The following ANKFY1 variants were observed in gnomAD, a reference collection of about 807,000 sequenced individuals.
The protein encoded by ANKFY1 is ankyrin repeat and FYVE domain-containing protein 1.
In ANKFY1, 47 loss-of-function variants were observed where a neutral mutation model predicts 128.3. The observed-to-expected ratio is 0.37, with a 90% CI of 0.29 to 0.47. The LOEUF (loss-of-function observed/expected upper bound fraction) is 0.47, where lower values mean the gene tolerates loss of function less well. Among genes scored for constraint, ANKFY1 ranks in the 20% least tolerant of loss-of-function variants. ANKFY1 has a pLI of 1.00. For missense variants in ANKFY1, 1,222 were observed against 1,510.6 expected, an observed-to-expected ratio of 0.81 and a Z score of 3.17; for synonymous variants, 553 against 601.6, an observed-to-expected ratio of 0.92 and a Z score of 1.18.
chr17:4,228,957 T>A (rs919376360), intron 3 of ANKFY1, among the ~76,000 whole-genome samples: 3 of 152,170 alleles, frequency 2.0e-5, no homozygotes, highest in African/African-American at 7.2e-5. Flanking sequence ...TGTGTGGAGT[T>A]AATACATAAT....
chr17:4,212,770 CTTT>C (rs35264086), intron 4 of ANKFY1, among the ~76,000 whole-genome samples: 6 of 130,864 alleles, frequency 4.6e-5, no homozygotes, highest in African/African-American at 5.6e-5. Flanking sequence ...GCAGAACACA[CTTT>C]TTTTTTTTTT....
At chr17:4,197,992 G>A (rs2059857770) in intron 7 of ANKFY1, among the ~76,000 whole-genome samples, 1 of 152,108 alleles carries the variant, frequency 6.6e-6, no homozygotes. Context: ...AGCCGGGCGT[G>A]GTGGTGCACG....
chr17:4,215,277 GGCTGTCTTCT>G, intron 4 of ANKFY1, among the ~76,000 whole-genome samples: 1 of 132,258 alleles, frequency 7.6e-6, no homozygotes. Context: ...GACACAGTGA[GGCTGTCTTCT>G]AAAAAAAAAA....
At chr17:4,179,435 TA>T (rs1315794812) in intron 17 of ANKFY1, 3 of 530,532 alleles carry the variant, frequency 5.7e-6, no homozygotes, top group Admixed American at 3.3e-5. Flanking sequence ...GACATTTTCC[TA>T]AATACAGTAT....
intron 1 of ANKFY1, chr17:4,249,159 G>A: frequency 1.0e-6 from 1 of 983,888 alleles, no homozygotes; most frequent in Non-Finnish European, 1.2e-6. Context: ...CTTCCTTCTA[G>A]GTCAGGAGTT....
intron 1 of ANKFY1, among the ~76,000 whole-genome samples, chr17:4,253,199 C>T (rs935409835): frequency 3.3e-5 from 5 of 152,074 alleles, no homozygotes; most frequent in South Asian, 2.1e-4. Context: ...CCAGCCTGGG[C>T]GACAGAGCCA....
intron 7 of ANKFY1, among the ~76,000 whole-genome samples, chr17:4,199,653 G>T (rs1431764835): frequency 6.6e-6 from 1 of 152,202 alleles, no homozygotes; most frequent in Non-Finnish European, 1.5e-5. Flanking sequence ...CTAGTAAAGA[G>T]AAATTGACTC....
At position 4,166,697 on chromosome 17, in the gene ANKFY1, C is replaced by G. The variant is rs1017360564; in HGVS notation, c.*1082G>C. 6.6e-6 allele frequency: 1 copy of G among 152,250 alleles called. No individual in the cohort carries two copies. Among genetic ancestry groups the G allele is most frequent in the Non-Finnish European group, 1.5e-5 (1 of 68,052 alleles). 9.4% of individuals were successfully genotyped at this position (152,250 alleles called of 1,614,324 possible). ...GGGACCAACAGCACTCGCAGCATCA[C>G]TAGGGAGGATTTCAGCAAGAAGCAT... is the stretch of plus-strand genomic sequence containing the variant. On this transcript the variant is annotated 3_prime_UTR_variant, in exon 25 of 25. Transcript: ENST00000341657.
intron 7 of ANKFY1, 127 bp from the exon 8 acceptor site, chr17:4,197,704 T>G: frequency 2.4e-6 from 2 of 816,716 alleles, no homozygotes; most frequent in East Asian, 5.3e-5. Flanking sequence ...AAGGAACCTC[T>G]TGGGGCATCT....
At chr17:4,249,674 A>G (rs1205985339) in intron 1 of ANKFY1, among the ~76,000 whole-genome samples, 1 of 152,198 alleles carries the variant, frequency 6.6e-6, no homozygotes, top group Non-Finnish European at 1.5e-5. Context: ...AATCCACAAC[A>G]GCAGCCACTG....
At chr17:4,250,742 A>T (rs1967782008) in intron 1 of ANKFY1, among the ~76,000 whole-genome samples, 1 of 152,018 alleles carries the variant, frequency 6.6e-6, no homozygotes. Context: ...ATCATAACTC[A>T]CTGCAGCCTC....
At chr17:4,206,884 A>G (rs563907451) in intron 6 of ANKFY1, among the ~76,000 whole-genome samples, 1 of 152,240 alleles carries the variant, frequency 6.6e-6, no homozygotes, top group South Asian at 2.1e-4. Flanking sequence ...CTCCCCATAC[A>G]CTGGACACCC....
chr17:4,169,327 G>A lies in ANKFY1; in HGVS notation c.3287-39C>T, dbSNP rs144903410. On this transcript the variant is annotated intron_variant, in intron 23 of 24. Transcript: ENST00000341657. The surrounding 1 kb of genome is among the most constrained non-coding windows in gnomAD (Gnocchi z 5.0). Reference sequence around the variant, plus strand: ...GGGAGGCCCGGTCCCGTCAAACCGCGACGGCGCCACGCAAGCCCCAGGGCT... The same window carrying A: ...GGGAGGCCCGGTCCCGTCAAACCGCAACGGCGCCACGCAAGCCCCAGGGCT... 1.5e-4 allele frequency: 226 copies of A among 1,483,872 alleles called. No individual in the cohort carries two copies. The highest frequency in any genetic ancestry group is 5.5e-4 in the Admixed American group (28 of 50,534). The allele number at this position is 1,483,872 out of a possible 1,614,324, so 91.9% of individuals were successfully genotyped here. A position where few individuals can be genotyped will look rare whatever the true frequency, so the allele number is the denominator to read the frequency against.
intron 5 of ANKFY1, among the ~76,000 whole-genome samples, chr17:4,208,301 C>G (rs995241915): frequency 5.9e-5 from 9 of 152,196 alleles, no homozygotes; most frequent in African/African-American, 2.2e-4. Flanking sequence ...ATAACTTGCT[C>G]AAGTTCAGAC....
Position 4,178,590 on chromosome 17 carries a change from G to T in ANKFY1, c.2598+267C>A. ...GCAAAAGCAAAGAATGAGCTCAACTGTACATGCCACAGAATTCCTACGATG... is the reference window on the plus strand; with the variant it reads ...GCAAAAGCAAAGAATGAGCTCAACTTTACATGCCACAGAATTCCTACGATG... On this transcript the variant is annotated intron_variant, in intron 18 of 24. Transcript: ENST00000341657. The surrounding 1 kb of genome is among the most constrained non-coding windows in gnomAD (Gnocchi z 4.1). 1 of 521,936 alleles carries T rather than the reference G, an allele frequency of 1.9e-6. No homozygotes were observed. The highest frequency in any genetic ancestry group is 3.5e-6 in the Non-Finnish European group (1 of 287,488). 32.3% of individuals were successfully genotyped at this position (521,936 alleles called of 1,614,324 possible).
chr17:4,186,722 C>A, intron 11 of ANKFY1: 1 of 773,688 alleles, frequency 1.3e-6, no homozygotes. Context: ...CTCCTCTACC[C>A]CTCCTCCTCG....
At chr17:4,217,203 A>G in intron 3 of ANKFY1, 85 bp from the exon 4 acceptor site, 2 of 1,473,434 alleles carry the variant, frequency 1.4e-6, no homozygotes, top group Non-Finnish European at 1.9e-6. Flanking sequence ...TTTGAGGCTA[A>G]TAAAGTAAAT....
In ANKFY1 at chr17:4,238,152, T is replaced by TAA. The variant is rs55944256; in HGVS notation, c.204-2264_204-2263dup. Among the ~76,000 whole-genome samples the TAA allele has an allele frequency of 2.1e-3, 195 of 92,680 alleles. 1 individual carries two copies. The highest frequency in any genetic ancestry group is 6.8e-3 in the African/African-American group (172 of 25,194). 60.8% of individuals were successfully genotyped at this position (92,680 alleles called of 152,430 possible). On this transcript the variant is annotated intron_variant, in intron 2 of 24. Coordinates refer to ENST00000341657, the MANE Select transcript of ANKFY1 (RefSeq NM_001330063.2). ...AGTGAGACTCTGTCTCTTATTTATT[T>TAA]AAAAAAAAAAAAAAAAAAAAAAAAG...
Position 4,195,471 on chromosome 17 carries a change from C to T in ANKFY1, c.1104G>A (p.Arg368=). ...ANPNMQDSKG[R]TPLHVSIMAG... ...CCATGATGGACACATGTAAAGGAGT[C>T]CTGCGGGATCCAAAAGAAGAGGGGT... Residue 368 remains arginine, a splice_region_variant and synonymous_variant, in exon 9 of 25, where the codon AGG becomes AGA. Transcript: ENST00000341657. 1 of 1,613,932 alleles carries T rather than the reference C, an allele frequency of 6.2e-7. No homozygotes were observed. The highest frequency in any genetic ancestry group is 8.5e-7 in the Non-Finnish European group (1 of 1,179,914).
Sources: gnomAD v4.1 joint callset for allele counts (sites outside exome capture counted in the v4.1 genomes callset) on GRCh38, gnomAD v4.1.1 for gene constraint, Gnocchi (gnomAD v3.1) non-coding constraint, MANE v1.5 for transcripts, NCBI Gene and HGNC (gene_info 2026-07-23, HGNC 2026-07-21) for gene names.